Variants in AFG1L observed in about 807,000 individuals in gnomAD.
The protein encoded by AFG1L is AFG1-like ATPase.
AFG1L carries 53 observed loss-of-function variants against 62.2 expected under a neutral mutation model. The ratio of observed to expected loss-of-function variants is 0.85; its 90% confidence interval spans 0.68 to 1.07. The LOEUF is 1.07. Among genes scored for constraint, AFG1L ranks in the 50% least tolerant of loss-of-function variants. The probability of loss-of-function intolerance (pLI) is 0.00; values close to 1 mark genes in which losing one functional copy is unlikely to be tolerated. For missense variants in AFG1L, 555 were observed against 590.5 expected (o/e 0.94, Z 0.62); for synonymous variants, 228 against 210.3 (o/e 1.08, Z -0.73).
At chr6:108,315,751 A>G (rs1233828518) in intron 1 of AFG1L, among the ~76,000 whole-genome samples, 1 of 152,114 alleles carries the variant, frequency 6.6e-6, no homozygotes, top group Non-Finnish European at 1.5e-5. Context: ...GTTCTTTTTT[A>G]AACAGTGGTT....
chr6:108,482,181 T>C (rs1773347376), intron 10 of AFG1L, among the ~76,000 whole-genome samples: 1 of 152,128 alleles, frequency 6.6e-6, no homozygotes, highest in Admixed American at 6.6e-5. Flanking sequence ...AATGAACCAA[T>C]ACTTTCCAAT....
chr6:108,443,300 A>T (rs1401820084), intron 7 of AFG1L, among the ~76,000 whole-genome samples: 1 of 152,156 alleles, frequency 6.6e-6, no homozygotes, highest in Admixed American at 6.5e-5. Context: ...TTCTCACAGC[A>T]TAGTAGCCTC....
intron 7 of AFG1L, among the ~76,000 whole-genome samples, chr6:108,405,117 G>A (rs978683452): frequency 5.9e-5 from 9 of 152,066 alleles, no homozygotes; most frequent in Non-Finnish European, 7.4e-5. Context: ...ATTTGTAACC[G>A]TCTCTTGAAA....
At chr6:108,389,136 C>T (rs558845855) in intron 6 of AFG1L, among the ~76,000 whole-genome samples, 145 of 152,242 alleles carry the variant, frequency 9.5e-4, no homozygotes, top group South Asian at 8.5e-3. Flanking sequence ...ATGTAATGGC[C>T]TTCTTTGTCT....
chr6:108,517,564 A>C (rs539425113), intron 11 of AFG1L, among the ~76,000 whole-genome samples: 1 of 152,348 alleles, frequency 6.6e-6, no homozygotes, highest in African/African-American at 2.4e-5. Flanking sequence ...AAGAAAACCT[A>C]GGCAATACCA....
At chr6:108,340,030 C>T (rs1284105345) in intron 2 of AFG1L, among the ~76,000 whole-genome samples, 1 of 150,532 alleles carries the variant, frequency 6.6e-6, no homozygotes, top group Non-Finnish European at 1.5e-5. Flanking sequence ...ATCCCCACCT[C>T]CCCCTCCACC....
intron 7 of AFG1L, among the ~76,000 whole-genome samples, chr6:108,420,917 G>C (rs1164454179): frequency 1.3e-5 from 2 of 152,094 alleles, no homozygotes; most frequent in Non-Finnish European, 2.9e-5. Flanking sequence ...AAGGAAGTGT[G>C]TCTTAAATAT....
At chr6:108,296,200 T>C (rs1776761063) in intron 1 of AFG1L, among the ~76,000 whole-genome samples, 1 of 152,202 alleles carries the variant, frequency 6.6e-6, no homozygotes, top group African/African-American at 2.4e-5. Flanking sequence ...CTGCAAAGAT[T>C]AGCATAATGC....
intron 3 of AFG1L, among the ~76,000 whole-genome samples, chr6:108,347,285 T>C (rs1050860679): frequency 5.3e-5 from 8 of 152,208 alleles, no homozygotes; most frequent in African/African-American, 1.9e-4. Flanking sequence ...CATTATTTAA[T>C]GTATAAAGTA....
chr6:108,337,036 A>G (rs1778499690), intron 2 of AFG1L, among the ~76,000 whole-genome samples: 1 of 152,194 alleles, frequency 6.6e-6, no homozygotes, highest in Non-Finnish European at 1.5e-5. Context: ...AATTGTATGT[A>G]TGTATGTAAG....
chr6:108,340,527 G>A (rs1278296915), intron 2 of AFG1L, among the ~76,000 whole-genome samples: 1 of 152,006 alleles, frequency 6.6e-6, no homozygotes, highest in East Asian at 1.9e-4. Flanking sequence ...ACCACAGCCA[G>A]CTAATATTTG....
intron 10 of AFG1L, among the ~76,000 whole-genome samples, chr6:108,503,338 A>G (rs557921792): frequency 6.6e-6 from 1 of 152,364 alleles, no homozygotes; most frequent in South Asian, 2.1e-4. Context: ...CTTGAAAGTC[A>G]AAATTACTTC....
chr6:108,401,167 G>T (rs888289400), intron 6 of AFG1L, among the ~76,000 whole-genome samples: 1 of 134,462 alleles, frequency 7.4e-6, no homozygotes, highest in Admixed American at 8.6e-5. Context: ...ACGGAGTCTC[G>T]CTCTGTCGCC....
chr6:108,399,298 C>T (rs1233547188), intron 6 of AFG1L, among the ~76,000 whole-genome samples: 1 of 149,808 alleles, frequency 6.7e-6, no homozygotes, highest in Non-Finnish European at 1.5e-5. Context: ...AGCGATTTCC[C>T]TGCCTCAGCC....
intron 10 of AFG1L, among the ~76,000 whole-genome samples, chr6:108,484,514 C>G (rs184417707): frequency 5.9e-5 from 9 of 152,256 alleles, no homozygotes; most frequent in Admixed American, 5.9e-4. Context: ...TCAAGGGTCA[C>G]CTTATCTAAC....
rs186883831 is a variant in AFG1L, at chr6:108,481,787, T to A, written c.1062+4495T>A. Among the ~76,000 whole-genome samples the A allele has an allele frequency of 7.9e-5, 12 of 152,342 alleles. No individual in the cohort carries two copies. The East Asian group carries it at 2.3e-3, about 29-fold the overall frequency. ...AGGCTGTCCTGGGGAAAAGCACTTGTACGGTTGTTAGAGTTGCAAGCTGAA... is the reference window on the plus strand; with the variant it reads ...AGGCTGTCCTGGGGAAAAGCACTTGAACGGTTGTTAGAGTTGCAAGCTGAA... On this transcript the variant is annotated intron_variant, in intron 10 of 12. Coordinates refer to ENST00000368977, the MANE Select transcript of AFG1L (RefSeq NM_145315.5).
intron 2 of AFG1L, chr6:108,344,756 T>C: frequency 2.1e-6 from 1 of 471,216 alleles, no homozygotes; most frequent in Non-Finnish European, 4.4e-6. Flanking sequence ...CACCCTGTCA[T>C]ACCTTGTTTT....
At chr6:108,301,873 CTGAT>C (rs1233150492) in intron 1 of AFG1L, among the ~76,000 whole-genome samples, 1 of 151,884 alleles carries the variant, frequency 6.6e-6, no homozygotes, top group Non-Finnish European at 1.5e-5. Context: ...CCAGAGATCA[CTGAT>C]TGATTTACAA....
Position 108,519,703 on chromosome 6 carries a change from A to G in AFG1L, c.1210A>G (p.Ile404Val). 6.3e-7 allele frequency: 1 copy of G among 1,590,086 alleles called. No homozygotes were observed. The highest frequency in any genetic ancestry group is 8.6e-7 in the Non-Finnish European group (1 of 1,161,384). The change falls in exon 12 of 13, where the codon ATA (isoleucine) becomes GTA (valine). Residue 404 changes from isoleucine to valine, a missense_variant. Coordinates refer to ENST00000368977, the MANE Select transcript of AFG1L (RefSeq NM_145315.5). Reference sequence around the variant, plus strand: ...CCATTTTCTTCTATTTCAGGTGCGTATAATTTGCTCTGCGTCGACTCCTAT... The same window carrying G: ...CCATTTTCTTCTATTTCAGGTGCGTGTAATTTGCTCTGCGTCGACTCCTAT... ...IDNFYDLKVR[I>V]ICSASTPISS...
Sources: allele counts gnomAD v4.1 joint callset (sites outside exome capture counted in the v4.1 genomes callset), GRCh38; gene constraint gnomAD v4.1.1; transcripts MANE v1.5; gene names NCBI Gene and HGNC (gene_info 2026-07-23, HGNC 2026-07-21).